TENM4: variants seen among roughly 807,000 people sequenced by gnomAD.
TENM4 encodes teneurin-4.
In TENM4, 82 loss-of-function variants were observed where a neutral mutation model predicts 243.3. That is an observed-to-expected ratio of 0.34 (90% CI 0.28 to 0.40). The LOEUF (loss-of-function observed/expected upper bound fraction) is 0.40, where lower values mean the gene tolerates loss of function less well. TENM4 is among the 10% of genes least tolerant of loss of function. The probability of loss-of-function intolerance (pLI) is 1.00; values close to 1 mark genes in which losing one functional copy is unlikely to be tolerated. For missense variants in TENM4, 3,138 were observed against 3,673.3 expected (o/e 0.85, Z 3.77); for synonymous variants, 1,412 against 1,456.3 (o/e 0.97, Z 0.69).
chr11:79,174,734 A>G (rs1011853257), intron 3 of TENM4, among the ~76,000 whole-genome samples: 1 of 151,502 alleles, frequency 6.6e-6, no homozygotes, highest in Admixed American at 6.6e-5. Context: ...GGAAGGCACG[A>G]CTCCTTTGGG....
At chr11:78,950,989 G>A (rs1857097470) in intron 6 of TENM4, among the ~76,000 whole-genome samples, 1 of 152,218 alleles carries the variant, frequency 6.6e-6, no homozygotes, top group Non-Finnish European at 1.5e-5. Flanking sequence ...GGTGTGATCA[G>A]GCCCTCTTTG....
chr11:78,891,195 C>A (rs749433747), intron 8 of TENM4, 43 bp downstream of exon 8: 1 of 1,535,912 alleles, frequency 6.5e-7, no homozygotes, highest in South Asian at 1.2e-5. Context: ...GCAGGAGCCA[C>A]AAGGAGAGCA....
chr11:79,124,837 A>G (rs1861833576), intron 4 of TENM4, among the ~76,000 whole-genome samples: 3 of 145,196 alleles, frequency 2.1e-5, no homozygotes, highest in Non-Finnish European at 4.5e-5. Flanking sequence ...ATGTGTGTGT[A>G]TATATATACA....
chr11:79,173,654 G>A (rs1863097922), intron 3 of TENM4, among the ~76,000 whole-genome samples: 1 of 151,936 alleles, frequency 6.6e-6, no homozygotes, highest in South Asian at 2.1e-4. Context: ...CTACTTATTG[G>A]GCTGCCTCAA....
intron 28 of TENM4, among the ~76,000 whole-genome samples, chr11:78,696,956 G>C (rs1858982769): frequency 6.6e-6 from 1 of 152,150 alleles, no homozygotes; most frequent in Non-Finnish European, 1.5e-5. Context: ...TCTCTTCACA[G>C]ATGAAGGGTG....
At chr11:78,715,893 C>T (rs919210233) in intron 25 of TENM4, among the ~76,000 whole-genome samples, 9 of 152,174 alleles carry the variant, frequency 5.9e-5, no homozygotes, top group African/African-American at 2.2e-4. Context: ...CTAGACTCCA[C>T]CAGGCTGCAG....
At chr11:79,125,563 G>T (rs951109280) in intron 4 of TENM4, among the ~76,000 whole-genome samples, 6 of 152,146 alleles carry the variant, frequency 3.9e-5, no homozygotes, top group Non-Finnish European at 7.3e-5. Context: ...CTTGGAATGG[G>T]GGGTGTGTGG....
At chr11:78,676,122 G>A in intron 30 of TENM4, 30 bp downstream of exon 30, 1 of 1,462,082 alleles carries the variant, frequency 6.8e-7, no homozygotes, top group Non-Finnish European at 9.1e-7. Context: ...TTCCCCCCAG[G>A]ACGCAGCCAC....
At position 78,722,648 on chromosome 11, in the gene TENM4, G is replaced by C. The variant is rs771811741; in HGVS notation, c.3800+20C>G. 1 of 1,604,136 alleles carries C rather than the reference G, an allele frequency of 6.2e-7. No individual in the cohort carries two copies. Among genetic ancestry groups the C allele is most frequent in the Non-Finnish European group, 8.5e-7 (1 of 1,172,504 alleles). On this transcript the variant is annotated intron_variant, in intron 24 of 33. Transcript: ENST00000278550. ...AAGGCATATTATTAGGAACTATGAAGAAAGCATCACCTTACATACCTCAGC... is the reference window on the plus strand; with the variant it reads ...AAGGCATATTATTAGGAACTATGAACAAAGCATCACCTTACATACCTCAGC...
chr11:78,742,161 G>T (rs1010162479), intron 19 of TENM4, among the ~76,000 whole-genome samples: 1 of 152,076 alleles, frequency 6.6e-6, no homozygotes, highest in East Asian at 1.9e-4. Context: ...ACATGTTTAC[G>T]TGTGAGCCAG....
At chr11:79,237,299 C>G (rs1352058696) in intron 2 of TENM4, among the ~76,000 whole-genome samples, 1 of 152,124 alleles carries the variant, frequency 6.6e-6, no homozygotes, top group Non-Finnish European at 1.5e-5. Context: ...TCCGGAGGCC[C>G]CACCCACCAC....
Position 78,653,023 on chromosome 11 carries a change from G to A in TENM4, c.*5035C>T, listed in dbSNP as rs917497944. 1 of 152,230 alleles carries A rather than the reference G, an allele frequency of 6.6e-6. No homozygotes were observed. The highest frequency in any genetic ancestry group is 1.5e-5 in the Non-Finnish European group (1 of 68,048). 9.4% of individuals were successfully genotyped at this position (152,230 alleles called of 1,614,324 possible). On this transcript the variant is annotated 3_prime_UTR_variant, in exon 34 of 34. Coordinates refer to ENST00000278550, the MANE Select transcript of TENM4 (RefSeq NM_001098816.3). ...TGGGATGGGGAGCCACGCTGCACTA[G>A]TGATGTCAGAGGAGCTGTGATATTT...
chr11:78,967,941 G>A (rs1196736186), intron 6 of TENM4, among the ~76,000 whole-genome samples: 1 of 152,242 alleles, frequency 6.6e-6, no homozygotes, highest in East Asian at 1.9e-4. Flanking sequence ...TTGGATACCT[G>A]TCCCCTCCAA....
Position 78,672,237 on chromosome 11 carries a change from A to G in TENM4, c.5589T>C (p.Ile1863=), listed in dbSNP as rs1305055186. 1.2e-6 allele frequency: 2 copies of G among 1,613,958 alleles called. No homozygotes were observed. The highest frequency in any genetic ancestry group is 2.7e-5 in the African/African-American group (2 of 74,950). ...YDDHRKFTLR[I]LYDQAGRPSL... is the part of the protein sequence containing the mutation. ...TGGGCCGCCCCGCCTGGTCGTACAG[A>G]ATCCGAAGGGTGAACTTGCGGTGGT... Residue 1863 remains isoleucine (I), a synonymous_variant, in exon 31 of 34, where the codon ATT becomes ATC. Transcript: ENST00000278550.
intron 3 of TENM4, among the ~76,000 whole-genome samples, chr11:79,171,725 G>A (rs545312956): frequency 2.7e-4 from 41 of 152,328 alleles, no homozygotes; most frequent in South Asian, 1.2e-3. Context: ...GCTGTAGAAC[G>A]TAGCCTAAAA....
At chr11:79,375,298 A>C (rs142598613) in intron 1 of TENM4, among the ~76,000 whole-genome samples, 1 of 152,242 alleles carries the variant, frequency 6.6e-6, no homozygotes, top group African/African-American at 2.4e-5. Context: ...GTTCTTATTT[A>C]AAAAATTTGG....
At chr11:78,887,613 C>A (rs957343422) in intron 9 of TENM4, among the ~76,000 whole-genome samples, 1 of 152,180 alleles carries the variant, frequency 6.6e-6, no homozygotes, top group Non-Finnish European at 1.5e-5. Context: ...AAAGGTTACC[C>A]AGTGAAAACT....
chr11:78,849,918 G>A (rs1858492280), intron 12 of TENM4, among the ~76,000 whole-genome samples: 1 of 152,152 alleles, frequency 6.6e-6, no homozygotes, highest in Non-Finnish European at 1.5e-5. Context: ...TCAACATTCT[G>A]GGGTCAGCTA....
intron 25 of TENM4, 114 bp from the exon 26 acceptor site, chr11:78,712,828 G>A: frequency 1.0e-6 from 1 of 981,420 alleles, no homozygotes; most frequent in Non-Finnish European, 1.5e-6. Context: ...ATCTTATGGG[G>A]ATGATGCCCC....
Sources: gnomAD v4.1 joint callset for allele counts (sites outside exome capture counted in the v4.1 genomes callset) on GRCh38, gnomAD v4.1.1 for gene constraint, MANE v1.5 for transcripts, NCBI Gene and HGNC (gene_info 2026-07-23, HGNC 2026-07-21) for gene names.